Variants in LAG3 observed in about 807,000 individuals in gnomAD.
The protein encoded by LAG3 is lymphocyte activation gene 3 protein.
LAG3 carries 29 observed loss-of-function variants against 49.0 expected under a neutral mutation model. The ratio of observed to expected loss-of-function variants is 0.59; its 90% CI spans 0.44 to 0.81. The LOEUF is 0.81. Ranked by LOEUF, LAG3 falls within the 30% of genes least tolerant of loss-of-function variation. The pLI is 0.00. For missense variants in LAG3, 693 were observed against 695.2 expected (o/e 1.00, Z 0.04); for synonymous variants, 320 against 297.3 (o/e 1.08, Z -0.79).
At position 6,775,357 on chromosome 12, in the gene LAG3, G is replaced by A. The variant is rs1289651879; in HGVS notation, c.866G>A (p.Gly289Glu). ...GLPCRLPAGV[G>E]TRSFLTAKWT... is the part of the protein sequence containing the mutation. ...CCCTGCCGCCTGCCTGCTGGTGTGG[G>A]GACCCGGTCTTTCCTCACTGCCAAG... Residue 289 changes from glycine to glutamate, a missense_variant, in exon 5 of 8, where the codon GGG (glycine) becomes GAG (glutamate). Transcript: ENST00000203629. 2 of 1,614,092 alleles carry A rather than the reference G, an allele frequency of 1.2e-6. No individual in the cohort carries two copies. The highest frequency in any genetic ancestry group is 1.3e-5 in the African/African-American group (1 of 74,936).
chr12:6,775,624 G>C, intron 5 of LAG3, 76 bp downstream of exon 5: 2 of 1,481,238 alleles, frequency 1.4e-6, no homozygotes, highest in Non-Finnish European at 1.9e-6. Context: ...GCAGGGCAAA[G>C]ACTAGGCAAA....
Position 6,774,668 on chromosome 12 carries a change from C to A in LAG3, c.585C>A (p.Asp195Glu). Residue 195 changes from aspartate to glutamate, a missense_variant, in exon 4 of 8, where the codon GAC (aspartate) becomes GAA (glutamate). Asp to Glu is a conservative substitution (Grantham distance 45, BLOSUM62 2). Coordinates refer to ENST00000203629, the MANE Select transcript of LAG3 (RefSeq NM_002286.6). ...VILNCSFSRP[D>E]RPASVHWFRN... ...TGAACTGCTCCTTCAGCCGCCCTGA[C>A]CGCCCAGCCTCTGTGCATTGGTTCC... 1 of 1,614,220 alleles carries A rather than the reference C, an allele frequency of 6.2e-7. No homozygotes were observed. Among genetic ancestry groups the A allele is most frequent in the Non-Finnish European group, 8.5e-7 (1 of 1,180,034 alleles).
In LAG3 at chr12:6,772,800, T is replaced by G; in HGVS notation, c.-53T>G. 2 of 1,044,030 alleles carry G rather than the reference T, an allele frequency of 1.9e-6. No homozygotes were observed. Among genetic ancestry groups the G allele is most frequent in the Non-Finnish European group, 2.8e-6 (2 of 720,538 alleles). The allele number at this position is 1,044,030 out of a possible 1,614,324, so 64.7% of individuals were successfully genotyped here. On this transcript the variant is annotated 5_prime_UTR_variant, in exon 1 of 8. Transcript: ENST00000203629. ...CCCCACCCCCCACCACTGCCCCCTT[T>G]CCTTTTCTGACCTCCTTTTGGAGGG... is the stretch of plus-strand genomic sequence containing the variant.
intron 3 of LAG3, 97 bp from the exon 4 acceptor site, chr12:6,774,497 GC>G: frequency 7.2e-7 from 1 of 1,382,748 alleles, no homozygotes; most frequent in Non-Finnish European, 9.8e-7. Context: ...CAAGTCTAAA[GC>G]CAGGTGCCTG....
rs760058290 is a variant in LAG3 at position 6,777,460 on chromosome 12, G to A, written c.1254G>A (p.Glu418=). The part of the protein sequence containing the change: ...QPWQCQLYQG[E]RLLGAAVYFT... ...GGCAATGCCAGCTGTACCAGGGGGA[G>A]AGGCTTCTTGGAGCAGCAGTGTACT... Residue 418 remains glutamate (E), a synonymous_variant, in exon 6 of 8, where the codon GAG becomes GAA. Coordinates refer to ENST00000203629, the MANE Select transcript of LAG3 (RefSeq NM_002286.6). 6.2e-7 allele frequency: 1 copy of A among 1,614,082 alleles called. No homozygotes were observed. The highest frequency in any genetic ancestry group is 1.3e-5 in the African/African-American group (1 of 74,930).
At chr12:6,774,971 T>G in intron 4 of LAG3, 107 bp downstream of exon 4, 1 of 1,129,218 alleles carries the variant, frequency 8.9e-7, no homozygotes, top group Non-Finnish European at 1.3e-6. Context: ...GCGAGTGGCC[T>G]ACGTCATTGC....
rs542292383 is a variant in LAG3, at chr12:6,772,942, C to T, written c.58+32C>T. The T allele has an allele frequency of 5.6e-6, 9 of 1,607,966 alleles. No homozygotes were observed. In the South Asian group the frequency reaches 7.7e-5, roughly 14 times the overall value. On this transcript the variant is annotated intron_variant, in intron 1 of 7. Transcript: ENST00000203629. ...CGGGGATGGCGGGAGGGTTGACCTC[C>T]AGCCCCACAGGAGGGGACCAGCAGG... is the stretch of plus-strand genomic sequence containing the variant.
At position 6,773,661 on chromosome 12, in the gene LAG3, C is replaced by G; in HGVS notation, c.207-36C>G. 7.3e-7 allele frequency: 1 copy of G among 1,367,336 alleles called. No homozygotes were observed. Among genetic ancestry groups the G allele is most frequent in the Non-Finnish European group, 9.4e-7 (1 of 1,067,966 alleles). The allele number at this position is 1,367,336 out of a possible 1,614,324, so 84.7% of individuals were successfully genotyped here. ...CTGCATCCTCCCGGGCTTCCTACCC[C>G]TGGAGCTTCTCAACTCCATTCTCTT... On this transcript the variant is annotated intron_variant, in intron 2 of 7. Coordinates refer to ENST00000203629, the MANE Select transcript of LAG3 (RefSeq NM_002286.6). This position sits in a 1 kb window ranked among gnomAD's most constrained non-coding sequence, Gnocchi z 5.5.
Position 6,778,455 on chromosome 12 carries a change from A to G in LAG3, c.*65A>G. On this transcript the variant is annotated 3_prime_UTR_variant, in exon 8 of 8. Transcript: ENST00000203629. The stretch of plus-strand genomic sequence containing the variant: ...CCAAATAAACTCCCTGTCAGCAGCA[A>G]GCCTGAGTCTGGCTCTTTCTTGTCC... 1 of 1,573,262 alleles carries G rather than the reference A, an allele frequency of 6.4e-7. No homozygotes were observed. The highest frequency in any genetic ancestry group is 1.1e-5 in the South Asian group (1 of 87,458).
At chr12:6,774,474 G>A in intron 3 of LAG3, 121 bp from the exon 4 acceptor site, 1 of 1,112,154 alleles carries the variant, frequency 9.0e-7, no homozygotes, top group South Asian at 1.5e-5. Context: ...GGGTGATGTG[G>A]GAGAGGAGAA....
chr12:6,773,090 T>C lies in LAG3; in HGVS notation c.59-102T>C, dbSNP rs1374918566. On this transcript the variant is annotated intron_variant, in intron 1 of 7. Coordinates refer to ENST00000203629, the MANE Select transcript of LAG3 (RefSeq NM_002286.6). The surrounding 1 kb of genome is among the most constrained non-coding windows in gnomAD (Gnocchi z 5.5). ...AGAGAAGAAACAGAAACCCAAGTTC[T>C]TCCTGCACCCTGTTTCTCCCTCGGG... The C allele has an allele frequency of 7.5e-6, 11 of 1,460,784 alleles. No homozygotes were observed. Among genetic ancestry groups the C allele is most frequent in the Non-Finnish European group, 1.0e-5 (11 of 1,075,744 alleles). 90.5% of individuals were successfully genotyped at this position (1,460,784 alleles called of 1,614,324 possible).
chr12:6,775,615 C>CA (rs758262532), intron 5 of LAG3, 67 bp downstream of exon 5: 4 of 1,536,172 alleles, frequency 2.6e-6, no homozygotes, highest in Non-Finnish European at 2.7e-6. Context: ...GAAGGGCTGG[C>CA]AGGGCAAAGA....
In LAG3 at chr12:6,773,692, C is replaced by T. The variant is rs1941868939; in HGVS notation, c.207-5C>T. The T allele has an allele frequency of 2.2e-6, 3 of 1,357,116 alleles. No homozygotes were observed. The highest frequency in any genetic ancestry group is 3.3e-5 in the Admixed American group (1 of 30,026). 84.1% of individuals were successfully genotyped at this position (1,357,116 alleles called of 1,614,324 possible). A position where few individuals can be genotyped will look rare whatever the true frequency, so the allele number is the denominator to read the frequency against. On this transcript the variant is annotated splice_polypyrimidine_tract_variant and splice_region_variant and intron_variant, in intron 2 of 7. Transcript: ENST00000203629. This position sits in a 1 kb window ranked among gnomAD's most constrained non-coding sequence, Gnocchi z 5.5. ...CTTCTCAACTCCATTCTCTTTCCCG[C>T]CCAGTGGCCCGCCCGCTGCCGCCCC...
chr12:6,776,085 C>T (rs542097049), intron 5 of LAG3, among the ~76,000 whole-genome samples: 2 of 152,350 alleles, frequency 1.3e-5, no homozygotes, highest in East Asian at 3.9e-4. Context: ...TTAGCCATGT[C>T]TGCAGCACGC....
chr12:6,777,421 C>T lies in LAG3; in HGVS notation c.1215C>T (p.Leu405=), dbSNP rs778838280. Residue 405 remains leucine, a synonymous_variant, in exon 6 of 8, where the codon CTC becomes CTT. Coordinates refer to ENST00000203629, the MANE Select transcript of LAG3 (RefSeq NM_002286.6). ...GPWLEAQEAQ[L]LSQPWQCQLY... is the part of the protein sequence containing the mutation. Reference sequence around the variant, plus strand: ...GGCTGGAGGCACAGGAGGCCCAGCTCCTTTCCCAGCCTTGGCAATGCCAGC... The same window carrying T: ...GGCTGGAGGCACAGGAGGCCCAGCTTCTTTCCCAGCCTTGGCAATGCCAGC... The T allele has an allele frequency of 1.9e-6, 3 of 1,614,076 alleles. No individual in the cohort carries two copies. The highest frequency in any genetic ancestry group is 1.7e-5 in the Admixed American group (1 of 60,012).
chr12:6,772,638 T>A lies in LAG3; in HGVS notation c.-215T>A. 1 of 486,650 alleles carries A rather than the reference T, an allele frequency of 2.1e-6. No individual in the cohort carries two copies. The allele number at this position is 486,650 out of a possible 1,614,324, so 30.1% of individuals were successfully genotyped here. On this transcript the variant is annotated 5_prime_UTR_variant, in exon 1 of 8. Coordinates refer to ENST00000203629, the MANE Select transcript of LAG3 (RefSeq NM_002286.6). Reference sequence around the variant, plus strand: ...CCCCACCTCCTCAGGCTGCCTGATCTGCCCAGCTTTCCAGCTTTCCTCTGG... The same window carrying A: ...CCCCACCTCCTCAGGCTGCCTGATCAGCCCAGCTTTCCAGCTTTCCTCTGG...
rs1941862209 is a variant in LAG3 at position 6,773,162 on chromosome 12, C to T, written c.59-30C>T. The stretch of plus-strand genomic sequence containing the variant: ...ACCCCTGCCTCTCGGCTCACGCCCC[C>T]TCCCCTTGGCCTCTCTTTTGCTCAC... On this transcript the variant is annotated intron_variant, in intron 1 of 7. Transcript: ENST00000203629. The surrounding 1 kb of genome is among the most constrained non-coding windows in gnomAD (Gnocchi z 5.5). The T allele has an allele frequency of 1.3e-6, 2 of 1,589,776 alleles. No individual in the cohort carries two copies. The highest frequency in any genetic ancestry group is 1.4e-5 in the African/African-American group (1 of 73,408).
rs200596315 is a variant in LAG3, at chr12:6,775,533, T to C, written c.1042T>C (p.Leu348=). 87 of 1,614,018 alleles carry C rather than the reference T, an allele frequency of 5.4e-5. No individual in the cohort carries two copies. Among genetic ancestry groups the C allele is most frequent in the African/African-American group, 8.0e-5 (6 of 74,916 alleles). The change falls in exon 5 of 8, where the codon TTG becomes CTG. Residue 348 remains leucine (L), a synonymous_variant. Transcript: ENST00000203629. The part of the protein sequence containing the change: ...QEQQLNATVT[L]AIITVTPKSF... ...ACAGCAGCTCAATGCCACTGTCACA[T>C]TGGCAATCATCACAGGTCAGCCTCA... is the stretch of plus-strand genomic sequence containing the variant.
At position 6,775,266 on chromosome 12, in the gene LAG3, T is replaced by G. The variant is rs769368935; in HGVS notation, c.782-7T>G. 6.2e-7 allele frequency: 1 copy of G among 1,607,368 alleles called. No individual in the cohort carries two copies. The highest frequency in any genetic ancestry group is 1.7e-5 in the Admixed American group (1 of 59,194). Reference sequence around the variant, plus strand: ...AGCTTTAACTTTGGGTTTTCTTTTCTCTTCAGGTCTGGAGCCCCCAACTCC... The same window carrying G: ...AGCTTTAACTTTGGGTTTTCTTTTCGCTTCAGGTCTGGAGCCCCCAACTCC... On this transcript the variant is annotated splice_region_variant and splice_polypyrimidine_tract_variant and intron_variant, in intron 4 of 7. Coordinates refer to ENST00000203629, the MANE Select transcript of LAG3 (RefSeq NM_002286.6).
Sources: allele counts gnomAD v4.1 joint callset (sites outside exome capture counted in the v4.1 genomes callset), GRCh38; gene constraint gnomAD v4.1.1; non-coding constraint Gnocchi (gnomAD v3.1); transcripts MANE v1.5; gene names NCBI Gene and HGNC (gene_info 2026-07-23, HGNC 2026-07-21).